Variants in GALNT13 observed in about 807,000 individuals in gnomAD.
GALNT13 encodes the protein UDP-GalNAc:polypeptide N-acetylgalactosaminyltransferase 13.
GALNT13 carries 28 observed loss-of-function variants against 64.2 expected under a neutral mutation model. The observed-to-expected ratio is 0.44, with a 90% CI of 0.32 to 0.60. The LOEUF (loss-of-function observed/expected upper bound fraction) is 0.60, where lower values mean the gene tolerates loss of function less well. Among genes scored for constraint, GALNT13 ranks in the 20% least tolerant of loss-of-function variants. GALNT13 has a pLI of 0.05. For synonymous variants in GALNT13, 214 were observed against 224.6 expected (o/e 0.95, Z 0.42); for missense variants, 577 against 669.8 (o/e 0.86, Z 1.53).
At chr2:154,166,581 G>T (rs1017318861) in intron 4 of GALNT13, among the ~76,000 whole-genome samples, 2 of 152,168 alleles carry the variant, frequency 1.3e-5, no homozygotes, top group Non-Finnish European at 2.9e-5. Context: ...ATTCCTCAAG[G>T]ATCTAGAACT....
chr2:153,866,677 A>G, the GALNT13 span, among the ~76,000 whole-genome samples: 1 of 152,204 alleles, frequency 6.6e-6, no homozygotes, highest in Non-Finnish European at 1.5e-5. Context: ...ATTGAATCAT[A>G]AGACTTCCAA....
chr2:154,339,838 A>G (rs1695659778), intron 9 of GALNT13, among the ~76,000 whole-genome samples: 1 of 152,016 alleles, frequency 6.6e-6, no homozygotes, highest in Non-Finnish European at 1.5e-5. Flanking sequence ...TCTCAAATTG[A>G]TGGCTTATTT....
chr2:153,439,893 C>G, the GALNT13 span, among the ~76,000 whole-genome samples: 1 of 152,174 alleles, frequency 6.6e-6, no homozygotes, highest in Non-Finnish European at 1.5e-5. Context: ...GCAGAAATCA[C>G]CCGTTTTCTG....
chr2:153,723,631 A>G, the GALNT13 span, among the ~76,000 whole-genome samples: 14 of 152,264 alleles, frequency 9.2e-5, no homozygotes, highest in African/African-American at 1.4e-4. Flanking sequence ...TCAATGTACA[A>G]AAATCACAAG....
chr2:153,714,430 T>C, the GALNT13 span, among the ~76,000 whole-genome samples: 9 of 152,230 alleles, frequency 5.9e-5, no homozygotes, highest in Admixed American at 2.6e-4. Context: ...CCTATTTTAC[T>C]GCATGCTTTC....
rs1559075301 is a variant in GALNT13, at chr2:154,298,537, T to TATTTATATATAAATTGTATATATA, written c.976-2836_976-2813dup. Among the ~76,000 whole-genome samples, 35 of 76,968 alleles carry TATTTATATATAAATTGTATATATA rather than the reference T, an allele frequency of 4.5e-4. 8 individuals are homozygous for TATTTATATATAAATTGTATATATA. Among genetic ancestry groups the TATTTATATATAAATTGTATATATA allele is most frequent in the East Asian group, 3.6e-3 (7 of 1,960 alleles). The allele number at this position is 76,968 out of a possible 152,430, so 50.5% of individuals were successfully genotyped here. A position where few individuals can be genotyped will look rare whatever the true frequency, so the allele number is the denominator to read the frequency against. ...TATATATTATATATAAAATTGTATATATTTATATATAAATTGTATATATAA... is the reference window on the plus strand; with the variant it reads ...TATATATTATATATAAAATTGTATATATTTATATATAAATTGTATATATAATTTATATATAAATTGTATATATAA... On this transcript the variant is annotated intron_variant, in intron 8 of 12. Coordinates refer to ENST00000392825, the MANE Select transcript of GALNT13 (RefSeq NM_052917.4).
At chr2:153,169,187 A>T in the GALNT13 span, among the ~76,000 whole-genome samples, 1 of 152,094 alleles carries the variant, frequency 6.6e-6, no homozygotes, top group African/African-American at 2.4e-5. Flanking sequence ...GGTCAATAGC[A>T]TAATAAAATT....
At position 154,343,606 on chromosome 2, in the gene GALNT13, A is replaced by C. The variant is rs189278637; in HGVS notation, c.1156+42017A>C. Among the ~76,000 whole-genome samples the C allele has an allele frequency of 1.1e-4, 16 of 152,184 alleles. No homozygotes were observed. The East Asian group carries it at 3.1e-3, about 29-fold the overall frequency. The stretch of plus-strand genomic sequence containing the variant: ...AACTACAGGCATGCCCCTGTCCAGC[A>C]TGCCTTTTGTTGCACAGTTTTTTTG... On this transcript the variant is annotated intron_variant, in intron 9 of 12. Coordinates refer to ENST00000392825, the MANE Select transcript of GALNT13 (RefSeq NM_052917.4).
chr2:153,702,402 C>T, the GALNT13 span, among the ~76,000 whole-genome samples: 1 of 152,042 alleles, frequency 6.6e-6, no homozygotes, highest in Non-Finnish European at 1.5e-5. Flanking sequence ...CAGCAAACCA[C>T]CATGGCACAC....
At chr2:153,340,206 T>G in the GALNT13 span, among the ~76,000 whole-genome samples, 1 of 152,174 alleles carries the variant, frequency 6.6e-6, no homozygotes, top group South Asian at 2.1e-4. Context: ...TTTTACAATA[T>G]TAATTCTTCT....
the GALNT13 span, among the ~76,000 whole-genome samples, chr2:153,445,671 C>T: frequency 4.6e-5 from 7 of 152,118 alleles, no homozygotes; most frequent in Non-Finnish European, 1.0e-4. Context: ...AGCCACCATG[C>T]CTGTCCTATA....
At chr2:153,640,224 C>CA in the GALNT13 span, among the ~76,000 whole-genome samples, 1 of 152,008 alleles carries the variant, frequency 6.6e-6, no homozygotes, top group Non-Finnish European at 1.5e-5. Context: ...CAAAGAGCAC[C>CA]AATATTCCCT....
chr2:153,905,989 G>C (rs1328856651), intron 2 of GALNT13, among the ~76,000 whole-genome samples: 3 of 151,892 alleles, frequency 2.0e-5, no homozygotes, highest in Admixed American at 6.6e-5. Flanking sequence ...AGGAGGAATA[G>C]AGCAGAGCCA....
the GALNT13 span, among the ~76,000 whole-genome samples, chr2:153,863,919 C>T: frequency 0.03 from 4,616 of 152,136 alleles, 125 homozygotes; most frequent in Middle Eastern, 0.085. Context: ...ACATTGATTC[C>T]TGATGGCACT....
At chr2:154,227,087 T>C (rs1217318824) in intron 4 of GALNT13, among the ~76,000 whole-genome samples, 1 of 152,044 alleles carries the variant, frequency 6.6e-6, no homozygotes, top group African/African-American at 2.4e-5. Context: ...ACAGAACATA[T>C]CATCTCTCGT....
At chr2:154,065,299 A>G (rs1438385177) in intron 3 of GALNT13, among the ~76,000 whole-genome samples, 1 of 152,050 alleles carries the variant, frequency 6.6e-6, no homozygotes, top group Non-Finnish European at 1.5e-5. Flanking sequence ...GGGCCTGGGG[A>G]ACTCTCCATC....
At chr2:153,547,464 TG>T in the GALNT13 span, among the ~76,000 whole-genome samples, 2 of 152,174 alleles carry the variant, frequency 1.3e-5, no homozygotes, top group African/African-American at 4.8e-5. Flanking sequence ...GCTGAGAAAT[TG>T]GAAGAGAAAT....
the GALNT13 span, among the ~76,000 whole-genome samples, chr2:153,733,616 C>T: frequency 6.6e-6 from 1 of 152,118 alleles, no homozygotes; most frequent in Admixed American, 6.6e-5. Context: ...CCCTTTTTAG[C>T]AAAGACTTTT....
At chr2:153,821,748 C>T in the GALNT13 span, among the ~76,000 whole-genome samples, 1 of 152,016 alleles carries the variant, frequency 6.6e-6, no homozygotes, top group Admixed American at 6.6e-5. Context: ...CAGAACTGAA[C>T]AGAATTGTGA....
Sources: gnomAD v4.1 joint callset for allele counts (sites outside exome capture counted in the v4.1 genomes callset) on GRCh38, gnomAD v4.1.1 for gene constraint, MANE v1.5 for transcripts, NCBI Gene and HGNC (gene_info 2026-07-23, HGNC 2026-07-21) for gene names.